Variants in SHISA9 observed in about 807,000 individuals in gnomAD.
The protein encoded by SHISA9 is protein shisa-9.
Under a neutral mutation model 38.0 loss-of-function variants are expected in SHISA9, and 13 were observed. The observed-to-expected ratio is 0.34, with a 90% CI of 0.22 to 0.54. SHISA9 has a LOEUF of 0.54. SHISA9 is among the 20% of genes least tolerant of loss of function. SHISA9 has a pLI of 0.91. For synonymous variants in SHISA9, 275 were observed against 242.0 expected, an observed-to-expected ratio of 1.14 and a Z score of -1.27; for missense variants, 538 against 575.8, an observed-to-expected ratio of 0.93 and a Z score of 0.67.
chr16:13,437,525 A>T, the SHISA9 span, among the ~76,000 whole-genome samples: 40 of 152,264 alleles, frequency 2.6e-4, no homozygotes, highest in Non-Finnish European at 4.6e-4. Context: ...GTAAGCAGAG[A>T]AGCCCGGATG....
the SHISA9 span, among the ~76,000 whole-genome samples, chr16:13,482,991 T>C: frequency 1.3e-5 from 2 of 152,184 alleles, no homozygotes; most frequent in Non-Finnish European, 2.9e-5. Flanking sequence ...CAATGTTTAC[T>C]GGGAGCCAAG....
chr16:13,388,135 G>C, the SHISA9 span, among the ~76,000 whole-genome samples: 24 of 152,180 alleles, frequency 1.6e-4, no homozygotes, highest in African/African-American at 5.3e-4. Context: ...TCCAGGTTCT[G>C]GTGGCTTCCA....
the SHISA9 span, among the ~76,000 whole-genome samples, chr16:13,524,269 G>A: frequency 9.2e-5 from 14 of 152,280 alleles, no homozygotes; most frequent in East Asian, 2.7e-3. Context: ...GGTTTCTTGG[G>A]CTGGACTCCA....
the SHISA9 span, among the ~76,000 whole-genome samples, chr16:13,349,225 C>G: frequency 6.6e-6 from 1 of 152,226 alleles, no homozygotes; most frequent in South Asian, 2.1e-4. Flanking sequence ...AAGGCAGCAT[C>G]GGTTTAGATT....
At chr16:13,151,957 C>A (rs2050503473) in intron 2 of SHISA9, among the ~76,000 whole-genome samples, 1 of 152,138 alleles carries the variant, frequency 6.6e-6, no homozygotes, top group African/African-American at 2.4e-5. Flanking sequence ...CATTTGTTTT[C>A]AATGAATGAA....
intron 2 of SHISA9, among the ~76,000 whole-genome samples, chr16:13,050,317 T>G (rs183093793): frequency 2.9e-4 from 44 of 152,222 alleles, no homozygotes; most frequent in African/African-American, 1.0e-3. Context: ...TGTTCACAGT[T>G]TTATATATAT....
At chr16:13,541,831 C>A in the SHISA9 span, among the ~76,000 whole-genome samples, 1 of 152,158 alleles carries the variant, frequency 6.6e-6, no homozygotes, top group Non-Finnish European at 1.5e-5. Context: ...AATAAACTCA[C>A]AGAATAAAGG....
At chr16:13,548,734 A>T in the SHISA9 span, among the ~76,000 whole-genome samples, 14 of 152,082 alleles carry the variant, frequency 9.2e-5, no homozygotes, top group Admixed American at 7.2e-4. Flanking sequence ...GATGTGGAGA[A>T]AGGAGAACAC....
At chr16:13,407,582 C>T in the SHISA9 span, among the ~76,000 whole-genome samples, 2 of 152,146 alleles carry the variant, frequency 1.3e-5, no homozygotes, top group Non-Finnish European at 2.9e-5. Context: ...AACCAATAAC[C>T]ATTCCTTCTT....
the SHISA9 span, among the ~76,000 whole-genome samples, chr16:13,459,448 C>T: frequency 2.6e-5 from 4 of 152,084 alleles, no homozygotes; most frequent in African/African-American, 9.7e-5. Context: ...AAGCAAGATA[C>T]AGTACTGAAT....
At chr16:12,927,726 A>G (rs759523860) in intron 2 of SHISA9, among the ~76,000 whole-genome samples, 1 of 151,978 alleles carries the variant, frequency 6.6e-6, no homozygotes, top group African/African-American at 2.4e-5. Context: ...ACTTATGTAG[A>G]TCCAAATCTT....
At chr16:13,167,601 A>G (rs1189576693) in intron 2 of SHISA9, among the ~76,000 whole-genome samples, 1 of 151,906 alleles carries the variant, frequency 6.6e-6, no homozygotes, top group Admixed American at 6.6e-5. Context: ...ATTTAGCACC[A>G]CCTCTCCAAG....
chr16:13,424,654 T>C, the SHISA9 span, among the ~76,000 whole-genome samples: 2 of 152,218 alleles, frequency 1.3e-5, no homozygotes, highest in African/African-American at 4.8e-5. Context: ...CTTTTATAAA[T>C]ATGTTAGATT....
chr16:13,412,995 G>T, the SHISA9 span, among the ~76,000 whole-genome samples: 1 of 152,118 alleles, frequency 6.6e-6, no homozygotes, highest in Non-Finnish European at 1.5e-5. Context: ...ATGAATGAAT[G>T]AATGAATGAA....
At chr16:13,061,901 C>G (rs1171439344) in intron 2 of SHISA9, among the ~76,000 whole-genome samples, 1 of 152,162 alleles carries the variant, frequency 6.6e-6, no homozygotes, top group Non-Finnish European at 1.5e-5. Flanking sequence ...GAGGAGCATT[C>G]TAAGCAGACG....
chr16:13,376,645 G>T, the SHISA9 span, among the ~76,000 whole-genome samples: 1 of 152,076 alleles, frequency 6.6e-6, no homozygotes, highest in Non-Finnish European at 1.5e-5. Context: ...GTTTCCAGGG[G>T]TGGAGCTGAA....
At chr16:13,188,829 T>C (rs1400520681) in intron 2 of SHISA9, among the ~76,000 whole-genome samples, 1 of 151,844 alleles carries the variant, frequency 6.6e-6, no homozygotes, top group African/African-American at 2.4e-5. Flanking sequence ...TAATATTATA[T>C]TGAAGTCCTA....
rs144667086 is a variant in SHISA9, at chr16:13,106,013, G to C, written c.692-97381G>C. ...TCCCATAGGTAGTGTGCTACCTTCT[G>C]CCTCTTTACCTTTGTCCCTGCAGCC... On this transcript the variant is annotated intron_variant, in intron 2 of 4. Transcript: ENST00000558583. Among the ~76,000 whole-genome samples the C allele has an allele frequency of 3.1e-3, 468 of 152,232 alleles. 1 individual carries two copies. The highest frequency in any genetic ancestry group is 0.011 in the African/African-American group (450 of 41,530).
the SHISA9 span, among the ~76,000 whole-genome samples, chr16:13,273,483 A>G: frequency 2.0e-5 from 3 of 152,154 alleles, no homozygotes; most frequent in African/African-American, 4.8e-5. Flanking sequence ...ATCCCAGCAC[A>G]AGCTCTCTCT....
Sources: allele counts gnomAD v4.1 joint callset (sites outside exome capture counted in the v4.1 genomes callset), GRCh38; gene constraint gnomAD v4.1.1; transcripts MANE v1.5; gene names NCBI Gene and HGNC (gene_info 2026-07-23, HGNC 2026-07-21).